The following AFG2A variants were observed in gnomAD, a reference collection of about 807,000 sequenced individuals.
AFG2A encodes the protein AAA ATPase AFG2A, also known as ATPase family gene 2 protein homolog A.
At chr4:123,191,726 C>G in the AFG2A span, among the ~76,000 whole-genome samples, 1 of 152,004 alleles carries the variant, frequency 6.6e-6, no homozygotes, top group Non-Finnish European at 1.5e-5. Context: ...TATTTTGTGG[C>G]CTCCCTATAA....
the AFG2A span, among the ~76,000 whole-genome samples, chr4:123,283,182 G>A: frequency 1.3e-5 from 2 of 152,104 alleles, no homozygotes; most frequent in Admixed American, 1.3e-4. Context: ...CTAGCATTGT[G>A]CTGCGAATGA....
At chr4:123,007,577 TGTGTGTGTGTGTGTGTGTG>T in the AFG2A span, among the ~76,000 whole-genome samples, 29 of 10,576 alleles carry the variant, frequency 2.7e-3, no homozygotes, top group South Asian at 0.03. Context: ...TATGTGTGTG[TGTGTGTGTGTGTGTGTGTG>T]TGTGTGTGTG....
the AFG2A span, among the ~76,000 whole-genome samples, chr4:123,065,822 A>G: frequency 6.6e-6 from 1 of 152,176 alleles, no homozygotes; most frequent in Admixed American, 6.5e-5. Flanking sequence ...TATGAAAAAA[A>G]ATTATCCTAG....
the AFG2A span, among the ~76,000 whole-genome samples, chr4:123,306,775 A>C: frequency 1.3e-5 from 2 of 152,174 alleles, no homozygotes; most frequent in African/African-American, 2.4e-5. Context: ...CAGGCTGGTC[A>C]GGTATCCATT....
chr4:123,291,814 T>C, the AFG2A span, among the ~76,000 whole-genome samples: 6 of 152,232 alleles, frequency 3.9e-5, no homozygotes, highest in Non-Finnish European at 8.8e-5. Flanking sequence ...TTCATTCACA[T>C]TGACGTTAGA....
At chr4:123,221,310 C>T in the AFG2A span, among the ~76,000 whole-genome samples, 2 of 152,090 alleles carry the variant, frequency 1.3e-5, no homozygotes, top group African/African-American at 2.4e-5. Flanking sequence ...CATGCATCAC[C>T]ATACTCGGGA....
At chr4:122,985,488 A>C in the AFG2A span, among the ~76,000 whole-genome samples, 3 of 152,116 alleles carry the variant, frequency 2.0e-5, no homozygotes, top group African/African-American at 7.2e-5. Context: ...TCAGGGTACT[A>C]ATTCTTCCTG....
At chr4:123,311,625 CAAAAAA>C in the AFG2A span, among the ~76,000 whole-genome samples, 8 of 92,234 alleles carry the variant, frequency 8.7e-5, no homozygotes, top group African/African-American at 3.6e-4. Flanking sequence ...GACTCTGTCT[CAAAAAA>C]AAAAAAAAAA....
the AFG2A span, among the ~76,000 whole-genome samples, chr4:122,980,010 ATG>A: frequency 1.3e-5 from 2 of 152,210 alleles, no homozygotes; most frequent in South Asian, 2.1e-4. Context: ...ACTTGTGTGT[ATG>A]TGTTTATTTA....
the AFG2A span, among the ~76,000 whole-genome samples, chr4:123,001,899 TG>T: frequency 1.3e-5 from 2 of 152,264 alleles, no homozygotes; most frequent in South Asian, 4.2e-4. Context: ...ATGTTGACAG[TG>T]GGGTGTTAAA....
the AFG2A span, among the ~76,000 whole-genome samples, chr4:123,122,351 A>G: frequency 3.3e-4 from 50 of 152,338 alleles, no homozygotes; most frequent in African/African-American, 1.2e-3. Flanking sequence ...AAACATCACA[A>G]TTTAGCGTAG....
chr4:122,936,708 G>A, the AFG2A span, among the ~76,000 whole-genome samples: 3 of 152,096 alleles, frequency 2.0e-5, no homozygotes, highest in Admixed American at 1.3e-4. Flanking sequence ...GGCTGGGTGC[G>A]GTGGCTCACG....
At chr4:122,970,910 T>C in the AFG2A span, among the ~76,000 whole-genome samples, 1 of 152,140 alleles carries the variant, frequency 6.6e-6, no homozygotes, top group African/African-American at 2.4e-5. Flanking sequence ...CTCAGCTCAC[T>C]GCAACCTCTG....
the AFG2A span, among the ~76,000 whole-genome samples, chr4:123,211,250 C>T: frequency 2.0e-5 from 3 of 152,100 alleles, no homozygotes; most frequent in Admixed American, 2.0e-4. Flanking sequence ...GCATTTTCAA[C>T]CTGTATCCCT....
At chr4:123,244,050 T>G in the AFG2A span, among the ~76,000 whole-genome samples, 1 of 151,620 alleles carries the variant, frequency 6.6e-6, no homozygotes, top group Non-Finnish European at 1.5e-5. Flanking sequence ...CAGTAAGTAA[T>G]AGAGCCAGAA....
chr4:122,936,047 A>G, the AFG2A span: 152 of 1,472,128 alleles, frequency 1.0e-4, no homozygotes, highest in South Asian at 1.4e-3. Flanking sequence ...TTTTATAGAC[A>G]AAGCTTTAAA....
the AFG2A span, among the ~76,000 whole-genome samples, chr4:123,209,011 G>T: frequency 6.6e-6 from 1 of 152,104 alleles, no homozygotes; most frequent in Admixed American, 6.6e-5. Context: ...AGGGGAGAGG[G>T]GCTAAAGATT....
the AFG2A span, among the ~76,000 whole-genome samples, chr4:123,154,541 T>TAAAA: frequency 7.3e-4 from 111 of 152,156 alleles, no homozygotes; most frequent in Non-Finnish European, 1.4e-3. Flanking sequence ...ATTTTAAGAG[T>TAAAA]AAAAACTGTC....
At chr4:122,948,963 A>G in the AFG2A span, among the ~76,000 whole-genome samples, 1 of 152,248 alleles carries the variant, frequency 6.6e-6, no homozygotes, top group Non-Finnish European at 1.5e-5. Flanking sequence ...ATAACAAAAA[A>G]GAATAACAAA....
Sources: gnomAD v4.1 joint callset for allele counts (sites outside exome capture counted in the v4.1 genomes callset) on GRCh38, gnomAD v4.1.1 for gene constraint, MANE v1.5 for transcripts, NCBI Gene and HGNC (gene_info 2026-07-23, HGNC 2026-07-21) for gene names.